Variants in GRID1 observed in about 807,000 individuals in gnomAD.
The protein encoded by GRID1 is glutamate receptor ionotropic, delta-1.
Under a neutral mutation model 98.0 loss-of-function variants are expected in GRID1, and 28 were observed. The ratio of observed to expected loss-of-function variants is 0.29; its 90% CI spans 0.21 to 0.39. GRID1 has a LOEUF of 0.39. Ranked by LOEUF, GRID1 falls within the 10% of genes least tolerant of loss-of-function variation. The pLI is 1.00. For synonymous variants in GRID1, 553 were observed against 538.5 expected, an observed-to-expected ratio of 1.03 and a Z score of -0.37; for missense variants, 1,111 against 1,340.5, an observed-to-expected ratio of 0.83 and a Z score of 2.67.
chr10:86,047,297 G>A (rs1304023876), intron 4 of GRID1, among the ~76,000 whole-genome samples: 1 of 152,210 alleles, frequency 6.6e-6, no homozygotes, highest in Admixed American at 6.5e-5. Flanking sequence ...GTGTGGAGCA[G>A]AGCCAACCCC....
At chr10:86,160,287 A>G (rs866363754) in intron 3 of GRID1, among the ~76,000 whole-genome samples, 22 of 152,136 alleles carry the variant, frequency 1.4e-4, no homozygotes, top group Admixed American at 1.2e-3. Context: ...GCACCTCACC[A>G]AAGCACAAAT....
intron 3 of GRID1, among the ~76,000 whole-genome samples, chr10:86,202,636 C>T (rs1007080899): frequency 2.0e-5 from 3 of 152,262 alleles, no homozygotes; most frequent in Non-Finnish European, 4.4e-5. Flanking sequence ...AATAGCACAT[C>T]TTGTAAACCA....
intron 8 of GRID1, among the ~76,000 whole-genome samples, chr10:85,757,251 C>T (rs1842108128): frequency 6.6e-6 from 1 of 152,200 alleles, no homozygotes; most frequent in Admixed American, 6.5e-5. Flanking sequence ...CTGAGGAACA[C>T]CTTCCTGGTC....
At chr10:86,218,670 T>G (rs1846210156) in intron 2 of GRID1, among the ~76,000 whole-genome samples, 1 of 152,220 alleles carries the variant, frequency 6.6e-6, no homozygotes, top group Admixed American at 6.5e-5. Context: ...GGTGAATCCT[T>G]CTCATCTACC....
chr10:86,277,990 T>A (rs1847298045), intron 2 of GRID1, among the ~76,000 whole-genome samples: 1 of 145,094 alleles, frequency 6.9e-6, no homozygotes, highest in Middle Eastern at 3.7e-3. Context: ...AGTAAGTATA[T>A]TCTTATCAAT....
chr10:85,879,314 A>T (rs1460470278), intron 5 of GRID1, among the ~76,000 whole-genome samples: 1 of 152,208 alleles, frequency 6.6e-6, no homozygotes, highest in Non-Finnish European at 1.5e-5. Context: ...TCAACAGAAT[A>T]TACATTCTTT....
At chr10:85,722,406 C>A (rs556705278) in intron 12 of GRID1, among the ~76,000 whole-genome samples, 1 of 152,272 alleles carries the variant, frequency 6.6e-6, no homozygotes, top group African/African-American at 2.4e-5. Flanking sequence ...GTAATTTACA[C>A]TATTTTTGGG....
At chr10:86,094,361 A>G (rs1236214095) in intron 4 of GRID1, among the ~76,000 whole-genome samples, 5 of 152,218 alleles carry the variant, frequency 3.3e-5, no homozygotes, top group Non-Finnish European at 7.3e-5. Context: ...ATCAGACAAG[A>G]GAAAGAAATA....
At chr10:85,655,396 G>A (rs1840883378) in intron 12 of GRID1, among the ~76,000 whole-genome samples, 1 of 152,142 alleles carries the variant, frequency 6.6e-6, no homozygotes, top group Admixed American at 6.5e-5. Context: ...GCTCCCCCAG[G>A]GAATGGACTC....
intron 8 of GRID1, among the ~76,000 whole-genome samples, chr10:85,749,858 A>G (rs927587454): frequency 6.6e-6 from 1 of 152,302 alleles, no homozygotes; most frequent in African/African-American, 2.4e-5. Flanking sequence ...TTATCATCCT[A>G]AGTAGACTCC....
chr10:86,182,082 A>T (rs1845663727), intron 3 of GRID1, among the ~76,000 whole-genome samples: 1 of 152,182 alleles, frequency 6.6e-6, no homozygotes, highest in South Asian at 2.1e-4. Context: ...CCCCTGCATC[A>T]ATTCCACATC....
In GRID1 at chr10:86,319,083, CTG is replaced by C. The variant is rs534880800; in HGVS notation, c.235+44856_235+44857del. 8.3e-4 allele frequency among the ~76,000 whole-genome samples: 126 copies of C among 152,212 alleles called. 1 individual carries two copies. The highest frequency in any genetic ancestry group is 2.8e-3 in the African/African-American group (118 of 41,534). Reference sequence around the variant, plus strand: ...GGGGGGAACTGGGAGTGCAACGACTCTGAGGTCCTGAGGCTGGACCATACCTG... The same window carrying C: ...GGGGGGAACTGGGAGTGCAACGACTCAGGTCCTGAGGCTGGACCATACCTG... On this transcript the variant is annotated intron_variant, in intron 2 of 15. Coordinates refer to ENST00000327946, the MANE Select transcript of GRID1 (RefSeq NM_017551.3).
intron 8 of GRID1, among the ~76,000 whole-genome samples, chr10:85,745,723 T>TA (rs143199820): frequency 0.014 from 1,886 of 131,422 alleles, 49 homozygotes; most frequent in African/African-American, 0.046. Flanking sequence ...AAAGTATAAT[T>TA]AAAAAAAAAA....
intron 3 of GRID1, among the ~76,000 whole-genome samples, chr10:86,182,415 G>A (rs1358214889): frequency 6.6e-6 from 1 of 152,216 alleles, no homozygotes; most frequent in African/African-American, 2.4e-5. Context: ...ACTGGCCAAG[G>A]CCGCCCCAGC....
intron 3 of GRID1, among the ~76,000 whole-genome samples, chr10:86,184,584 G>C (rs1845703118): frequency 1.3e-5 from 2 of 150,352 alleles, no homozygotes; most frequent in African/African-American, 4.9e-5. Context: ...GTCCATATAA[G>C]TGGGGGTCCA....
At chr10:85,966,499 T>A (rs1280177859) in intron 4 of GRID1, among the ~76,000 whole-genome samples, 3 of 151,810 alleles carry the variant, frequency 2.0e-5, no homozygotes, top group African/African-American at 7.3e-5. Context: ...AGGGTAAAAA[T>A]TATATTGATT....
chr10:86,352,413 G>T (rs531349343), intron 2 of GRID1, among the ~76,000 whole-genome samples: 2 of 152,176 alleles, frequency 1.3e-5, no homozygotes, highest in Admixed American at 6.5e-5. Flanking sequence ...AACAACAGAC[G>T]AATTTATTTT....
At chr10:86,053,880 G>A (rs920835475) in intron 4 of GRID1, among the ~76,000 whole-genome samples, 6 of 152,170 alleles carry the variant, frequency 3.9e-5, no homozygotes, top group Middle Eastern at 3.4e-3. Context: ...GCTCACACAC[G>A]TGTGCACACA....
At chr10:85,829,073 A>C (rs565457698) in intron 8 of GRID1, among the ~76,000 whole-genome samples, 3 of 152,204 alleles carry the variant, frequency 2.0e-5, no homozygotes, top group African/African-American at 7.2e-5. Context: ...AATACTAGCA[A>C]ACTGAATCCA....
Sources: allele counts gnomAD v4.1 joint callset (sites outside exome capture counted in the v4.1 genomes callset), GRCh38; gene constraint gnomAD v4.1.1; transcripts MANE v1.5; gene names NCBI Gene and HGNC (gene_info 2026-07-23, HGNC 2026-07-21).